The following NRIP1 variants were observed in gnomAD, a reference collection of about 807,000 sequenced individuals.
The protein encoded by NRIP1 is nuclear receptor-interacting protein 1.
NRIP1 carries 28 observed loss-of-function variants against 75.0 expected under a neutral mutation model. The observed-to-expected ratio is 0.37, with a 90% CI of 0.28 to 0.51. NRIP1 has a LOEUF of 0.51. Among genes scored for constraint, NRIP1 ranks in the 20% least tolerant of loss-of-function variants. The probability of loss-of-function intolerance (pLI) is 0.92; values close to 1 mark genes in which losing one functional copy is unlikely to be tolerated. For synonymous variants in NRIP1, 526 were observed against 487.6 expected (o/e 1.08, Z -1.04); for missense variants, 1,435 against 1,343.7 (o/e 1.07, Z -1.06).
At chr21:14,987,256 C>A (rs2087430406) in intron 3 of NRIP1, among the ~76,000 whole-genome samples, 1 of 152,186 alleles carries the variant, frequency 6.6e-6, no homozygotes, top group African/African-American at 2.4e-5. Context: ...AGCCCCTGGG[C>A]TGAACAAATG....
At chr21:14,996,294 T>G (rs962206779) in intron 3 of NRIP1, among the ~76,000 whole-genome samples, 4 of 152,166 alleles carry the variant, frequency 2.6e-5, no homozygotes, top group Non-Finnish European at 4.4e-5. Context: ...GGCTTGTGGC[T>G]CGTAGCTTCT....
intron 1 of NRIP1, among the ~76,000 whole-genome samples, chr21:15,055,731 T>A (rs2089292042): frequency 6.6e-6 from 1 of 152,146 alleles, no homozygotes; most frequent in South Asian, 2.1e-4. Flanking sequence ...GTGAAATAAA[T>A]CAAGATTTGA....
chr21:15,043,954 G>C (rs745726855), intron 1 of NRIP1, among the ~76,000 whole-genome samples: 1 of 152,084 alleles, frequency 6.6e-6, no homozygotes, highest in East Asian at 1.9e-4. Context: ...AAGTAGCTGG[G>C]ATTACAGGTG....
intron 3 of NRIP1, among the ~76,000 whole-genome samples, chr21:14,994,698 A>T (rs1380567177): frequency 6.6e-6 from 1 of 152,188 alleles, no homozygotes; most frequent in African/African-American, 2.4e-5. Flanking sequence ...AAGATACCTT[A>T]AAAAAGTAGA....
intron 1 of NRIP1, among the ~76,000 whole-genome samples, chr21:15,060,885 T>A (rs1163537198): frequency 6.6e-6 from 1 of 152,172 alleles, no homozygotes; most frequent in Non-Finnish European, 1.5e-5. Flanking sequence ...TTCCAACCTC[T>A]CGACATAATC....
At chr21:15,049,400 T>A (rs1251446635) in intron 1 of NRIP1, among the ~76,000 whole-genome samples, 1 of 152,094 alleles carries the variant, frequency 6.6e-6, no homozygotes, top group Non-Finnish European at 1.5e-5. Context: ...GGATAATGTG[T>A]ATTCTCCAAA....
chr21:14,984,401 G>C (rs1020074457), intron 3 of NRIP1, among the ~76,000 whole-genome samples: 27 of 146,710 alleles, frequency 1.8e-4, no homozygotes, highest in African/African-American at 6.8e-4. Flanking sequence ...GAGCTCAAGT[G>C]ATCCTCCCAC....
At chr21:15,023,179 C>T (rs768985705) in intron 2 of NRIP1, among the ~76,000 whole-genome samples, 3 of 152,112 alleles carry the variant, frequency 2.0e-5, no homozygotes, top group Non-Finnish European at 2.9e-5. Flanking sequence ...ATAAAAACTA[C>T]GGAACTGAAC....
chr21:15,016,339 C>A (rs978710591), intron 2 of NRIP1, among the ~76,000 whole-genome samples: 5 of 152,118 alleles, frequency 3.3e-5, no homozygotes, highest in African/African-American at 1.2e-4. Context: ...TTAACAATAA[C>A]CATATGTGTA....
At chr21:15,031,275 A>G (rs1424352818) in intron 2 of NRIP1, among the ~76,000 whole-genome samples, 1 of 142,480 alleles carries the variant, frequency 7.0e-6, no homozygotes, top group African/African-American at 2.6e-5. Context: ...CTATGTGTAT[A>G]CACTCTGGAA....
chr21:15,001,893 A>C (rs1167835589), intron 3 of NRIP1, among the ~76,000 whole-genome samples: 1 of 152,156 alleles, frequency 6.6e-6, no homozygotes, highest in African/African-American at 2.4e-5. Flanking sequence ...TCTCTGCCTC[A>C]CATGTTTCAA....
Position 14,965,287 on chromosome 21 carries a change from A to G in NRIP1, c.2906T>C (p.Val969Ala), listed in dbSNP as rs1285496863. 1 of 1,614,026 alleles carries G rather than the reference A, an allele frequency of 6.2e-7. No homozygotes were observed. Among genetic ancestry groups the G allele is most frequent in the Admixed American group, 1.7e-5 (1 of 59,990 alleles). The change falls in exon 4 of 4, where the codon GTG becomes GCG. Residue 969 changes from valine (V) to alanine (A), a missense_variant. Physicochemically the swap from Val to Ala is moderately conservative, Grantham distance 64. Transcript: ENST00000318948. ...DSKKKGHKNN[V>A]TNSKPEFSIS... The stretch of plus-strand genomic sequence containing the variant: ...GCTAAATTCAGGTTTGCTGTTGGTC[A>G]CATTATTTTTGTGTCCTTTCTTTTT...
chr21:14,988,366 G>T (rs996529333), intron 3 of NRIP1, among the ~76,000 whole-genome samples: 2 of 151,606 alleles, frequency 1.3e-5, no homozygotes, highest in East Asian at 1.9e-4. Context: ...AATTTTTTTT[G>T]ACTTACTAGT....
At position 14,967,351 on chromosome 21, in the gene NRIP1, C is replaced by T. The variant is rs550356893; in HGVS notation, c.842G>A (p.Arg281Gln). 10 of 1,614,064 alleles carry T rather than the reference C, an allele frequency of 6.2e-6. No individual in the cohort carries two copies. Among genetic ancestry groups the T allele is most frequent in the African/African-American group, 4.0e-5 (3 of 75,010 alleles). The change falls in exon 4 of 4, where the codon CGA becomes CAA. Residue 281 changes from arginine to glutamine, a missense_variant. Coordinates refer to ENST00000318948, the MANE Select transcript of NRIP1 (RefSeq NM_003489.4). ...SSEAHLQQYS[R>Q]EHALKTQNAN... is the part of the protein sequence containing the mutation. ...ATTTTGCGTTTTTAAAGCGTGTTCT[C>T]GAGAATACTGCTGCAAATGGGCTTC...
chr21:15,019,988 G>A lies in NRIP1; in HGVS notation c.-457-5522C>T, dbSNP rs185091156. ...CAAAACACTGTTGAGGGAAATTAAA[G>A]AAGACTTGTTTATTGGAACAAAGAT... On this transcript the variant is annotated intron_variant, in intron 2 of 3. Transcript: ENST00000318948. Among the ~76,000 whole-genome samples, 3 of 152,182 alleles carry A rather than the reference G, an allele frequency of 2.0e-5. No individual in the cohort carries two copies. The East Asian group carries it at 5.8e-4, about 29-fold the overall frequency.
At chr21:15,064,354 C>T (rs1041424626) in intron 1 of NRIP1, among the ~76,000 whole-genome samples, 1 of 152,226 alleles carries the variant, frequency 6.6e-6, no homozygotes, top group Non-Finnish European at 1.5e-5. Flanking sequence ...GGCTGGACAG[C>T]AGGACGGAGA....
Position 14,964,746 on chromosome 21 carries a change from G to A in NRIP1, c.3447C>T (p.Ser1149=), listed in dbSNP as rs764199535. ...CTGATTCTTTCTTTATCGTTAGCAC[G>A]CTTCCCAGAAGTCCATAAACTTCTC... The part of the protein sequence containing the change: ...ANGEVYGLLG[S]VLTIKKESE Residue 1149 remains serine (S), a synonymous_variant, in exon 4 of 4, where the codon AGC becomes AGT. Transcript: ENST00000318948. 1.6e-5 allele frequency: 25 copies of A among 1,561,876 alleles called. No individual in the cohort carries two copies. Among genetic ancestry groups the A allele is most frequent in the Admixed American group, 4.3e-5 (2 of 46,734 alleles).
intron 3 of NRIP1, among the ~76,000 whole-genome samples, chr21:15,009,157 T>C (rs1279630510): frequency 2.6e-5 from 4 of 152,190 alleles, no homozygotes; most frequent in South Asian, 2.1e-4. Flanking sequence ...CAGATAAATA[T>C]TGTTCTCTGT....
In NRIP1 at chr21:14,965,302, CCTTT is replaced by C; in HGVS notation, c.2887_2890del (p.Lys963AspfsTer6). 1 of 1,613,908 alleles carries C rather than the reference CCTTT, an allele frequency of 6.2e-7. No individual in the cohort carries two copies. The stretch of plus-strand genomic sequence containing the variant: ...GCTGTTGGTCACATTATTTTTGTGT[CCTTT>C]CTTTTTACTGTCAGCCACAGAGTTA... On this transcript the variant is annotated frameshift_variant, in exon 4 of 4. Coordinates refer to ENST00000318948, the MANE Select transcript of NRIP1 (RefSeq NM_003489.4). LOFTEE classifies it high-confidence loss of function.
Sources: gnomAD v4.1 joint callset for allele counts (sites outside exome capture counted in the v4.1 genomes callset) on GRCh38, gnomAD v4.1.1 for gene constraint, MANE v1.5 for transcripts, NCBI Gene and HGNC (gene_info 2026-07-23, HGNC 2026-07-21) for gene names.